RORA: variants seen among roughly 807,000 people sequenced by gnomAD.
The protein encoded by RORA is nuclear receptor ROR-alpha.
In RORA, 7 loss-of-function variants were observed where a neutral mutation model predicts 69.5. That is an observed-to-expected ratio of 0.10 (90% CI 0.06 to 0.19). RORA has a LOEUF of 0.19. RORA is among the 10% of genes least tolerant of loss of function. RORA has a pLI of 1.00. For missense variants in RORA, 457 were observed against 663.0 expected (o/e 0.69, Z 3.41); for synonymous variants, 261 against 240.8 (o/e 1.08, Z -0.78).
At chr15:61,023,282 G>A (rs1255841252) in intron 1 of RORA, among the ~76,000 whole-genome samples, 1 of 151,424 alleles carries the variant, frequency 6.6e-6, no homozygotes, top group African/African-American at 2.4e-5. Context: ...GAAAAAAAGA[G>A]GTTTAATTGG....
At chr15:60,944,931 G>A (rs1388218538) in intron 1 of RORA, among the ~76,000 whole-genome samples, 1 of 152,188 alleles carries the variant, frequency 6.6e-6, no homozygotes, top group Non-Finnish European at 1.5e-5. Flanking sequence ...GGAGCATGCA[G>A]ACATATCAAG....
At chr15:60,751,750 A>G (rs2071726476) in intron 1 of RORA, among the ~76,000 whole-genome samples, 1 of 152,130 alleles carries the variant, frequency 6.6e-6, no homozygotes, top group African/African-American at 2.4e-5. Flanking sequence ...CCCTTCTTAT[A>G]GATGAAGAAA....
chr15:61,078,437 G>T (rs1013422473), intron 1 of RORA, among the ~76,000 whole-genome samples: 2 of 151,822 alleles, frequency 1.3e-5, no homozygotes, highest in African/African-American at 4.8e-5. Flanking sequence ...GACCTCAAGT[G>T]ATCCGCTTGC....
chr15:60,714,139 C>T (rs984959576), intron 1 of RORA, among the ~76,000 whole-genome samples: 13 of 151,936 alleles, frequency 8.6e-5, no homozygotes, highest in Admixed American at 2.0e-4. Flanking sequence ...CTGCAACCTC[C>T]GCCTCCCGGA....
At chr15:60,674,772 C>A (rs2070527760) in intron 2 of RORA, among the ~76,000 whole-genome samples, 1 of 152,160 alleles carries the variant, frequency 6.6e-6, no homozygotes, top group African/African-American at 2.4e-5. Flanking sequence ...GGAAAATTAA[C>A]AACTCAAGTT....
intron 1 of RORA, among the ~76,000 whole-genome samples, chr15:61,107,774 G>C (rs2078965720): frequency 6.6e-6 from 1 of 151,602 alleles, no homozygotes; most frequent in Non-Finnish European, 1.5e-5. Flanking sequence ...CTTTCAGATG[G>C]TTTCCTCTCC....
intron 2 of RORA, among the ~76,000 whole-genome samples, chr15:60,555,157 T>A (rs1255108232): frequency 6.6e-6 from 1 of 152,194 alleles, no homozygotes. Flanking sequence ...GGCCTTTCTG[T>A]ATGTCAGTAT....
intron 1 of RORA, among the ~76,000 whole-genome samples, chr15:60,863,787 T>G (rs1337568563): frequency 1.3e-5 from 2 of 149,072 alleles, no homozygotes; most frequent in Non-Finnish European, 3.0e-5. Flanking sequence ...CAGAAGATTA[T>G]GCATGCCAAC....
intron 7 of RORA, among the ~76,000 whole-genome samples, chr15:60,503,125 T>G (rs2065382342): frequency 6.6e-6 from 1 of 152,222 alleles, no homozygotes; most frequent in South Asian, 2.1e-4. Flanking sequence ...CTTAGCACTC[T>G]TCTACCTCGC....
chr15:60,771,855 C>T (rs1192852829), intron 1 of RORA, among the ~76,000 whole-genome samples: 9 of 152,100 alleles, frequency 5.9e-5, no homozygotes, highest in East Asian at 1.9e-4. Context: ...TGAGGATACA[C>T]GAGATCTTGG....
chr15:61,127,339 TAAAC>T (rs1454548244), intron 1 of RORA, among the ~76,000 whole-genome samples: 3 of 152,208 alleles, frequency 2.0e-5, no homozygotes, highest in African/African-American at 7.2e-5. Context: ...TGCAGACTAT[TAAAC>T]AAATTAAACA....
rs57444244 is a variant in RORA at position 60,956,921 on chromosome 15, A to G, written c.166+272132T>C. On this transcript the variant is annotated intron_variant, in intron 1 of 10. Transcript: ENST00000335670. ...TCCCACCTTTATCAGCTGTGAGATCAGGAGCAAGTTTTCGAATCTTTCTGA... is the reference window on the plus strand; with the variant it reads ...TCCCACCTTTATCAGCTGTGAGATCGGGAGCAAGTTTTCGAATCTTTCTGA... 8.1e-3 allele frequency among the ~76,000 whole-genome samples: 1,230 copies of G among 152,346 alleles called. 11 individuals are homozygous for G. Among genetic ancestry groups the G allele is most frequent in the African/African-American group, 0.028 (1,158 of 41,584 alleles).
At chr15:60,500,595 C>G (rs1331961788) in intron 9 of RORA, among the ~76,000 whole-genome samples, 1 of 151,730 alleles carries the variant, frequency 6.6e-6, no homozygotes, top group Non-Finnish European at 1.5e-5. Context: ...TGGATTTTAA[C>G]AAAAAAATAG....
chr15:60,907,399 G>A (rs867063258), intron 1 of RORA, among the ~76,000 whole-genome samples: 12 of 152,186 alleles, frequency 7.9e-5, no homozygotes, highest in Middle Eastern at 3.4e-3. Flanking sequence ...AGGAGTCAGG[G>A]GCCATCCACT....
At chr15:60,940,672 A>T (rs1384479320) in intron 1 of RORA, among the ~76,000 whole-genome samples, 1 of 152,214 alleles carries the variant, frequency 6.6e-6, no homozygotes, top group African/African-American at 2.4e-5. Context: ...GTCAGCCTGT[A>T]ATCCCAGCAG....
intron 2 of RORA, among the ~76,000 whole-genome samples, chr15:60,617,659 C>CAGAGAGAGAGAGAGAG (rs10594406): frequency 4.9e-5 from 7 of 141,554 alleles, no homozygotes; most frequent in East Asian, 2.1e-4. Context: ...CACATACAGA[C>CAGAGAGAGAGAGAGAG]AGAGAGAGAG....
intron 2 of RORA, among the ~76,000 whole-genome samples, chr15:60,667,397 C>T (rs199530758): frequency 6.6e-6 from 1 of 152,102 alleles, no homozygotes; most frequent in Non-Finnish European, 1.5e-5. Flanking sequence ...CACTGAGAAA[C>T]GAAATCGGAG....
Position 60,689,027 on chromosome 15 carries a change from G to A in RORA, c.167-10341C>T, listed in dbSNP as rs145375880. ...ATAAATCTCCAGGAGTTAGTGCCCT[G>A]TAATACAAAGAGGATGACCTCTGGA... On this transcript the variant is annotated intron_variant, in intron 1 of 10. Coordinates refer to ENST00000335670, the MANE Select transcript of RORA (RefSeq NM_134261.3). 4.3e-3 allele frequency among the ~76,000 whole-genome samples: 650 copies of A among 152,314 alleles called. 4 individuals carry two copies. The highest frequency in any genetic ancestry group is 0.014 in the African/African-American group (592 of 41,560).
intron 1 of RORA, among the ~76,000 whole-genome samples, chr15:60,779,224 G>C (rs2140336762): frequency 6.6e-6 from 1 of 152,274 alleles, no homozygotes; most frequent in Non-Finnish European, 1.5e-5. Context: ...ACCCGTCCTA[G>C]GAACCCAAGG....
Sources: allele counts gnomAD v4.1 joint callset (sites outside exome capture counted in the v4.1 genomes callset), GRCh38; gene constraint gnomAD v4.1.1; transcripts MANE v1.5; gene names NCBI Gene and HGNC (gene_info 2026-07-23, HGNC 2026-07-21).